The following PHRF1 variants were observed in gnomAD, a reference collection of about 807,000 sequenced individuals.
The protein encoded by PHRF1 is PHD and RING finger domain-containing protein 1.
In PHRF1, 53 loss-of-function variants were observed where a neutral mutation model predicts 128.9. That is an observed-to-expected ratio of 0.41 (90% confidence interval 0.33 to 0.52). The LOEUF (loss-of-function observed/expected upper bound fraction) is 0.52, where lower values mean the gene tolerates loss of function less well. Ranked by LOEUF, PHRF1 falls within the 20% of genes least tolerant of loss-of-function variation. PHRF1 has a pLI of 0.21. For synonymous variants in PHRF1, 1,178 were observed against 980.6 expected, an observed-to-expected ratio of 1.20 and a Z score of -3.76; for missense variants, 2,503 against 2,284.5, an observed-to-expected ratio of 1.10 and a Z score of -1.95.
At chr11:611,232 T>C (rs1856375524) in intron 17 of PHRF1, 150 bp downstream of exon 17, 2 of 1,320,444 alleles carry the variant, frequency 1.5e-6, no homozygotes, top group Non-Finnish European at 2.1e-6. Flanking sequence ...TGCCACATCC[T>C]GTAGGCCTGG....
At position 607,936 on chromosome 11, in the gene PHRF1, G is replaced by T. The variant is rs776096001; in HGVS notation, c.2480G>T (p.Ser827Ile). The change falls in exon 14 of 18, where the codon AGC becomes ATC. Residue 827 changes from serine to isoleucine, a missense_variant. Physicochemically the swap from Ser to Ile is moderately radical, Grantham distance 142. Coordinates refer to ENST00000264555, the MANE Select transcript of PHRF1 (RefSeq NM_001286581.2). ...FSIKKTKQLRSEVYDPSDPTG... is the reference protein window; with the variant it reads ...FSIKKTKQLRIEVYDPSDPTG... ...ATCAAGAAGACGAAGCAGCTGCGGAGCGAGGTCTACGACCCATCCGACCCC... is the reference window on the plus strand; with the variant it reads ...ATCAAGAAGACGAAGCAGCTGCGGATCGAGGTCTACGACCCATCCGACCCC... 6.8e-6 allele frequency: 11 copies of T among 1,612,318 alleles called. No homozygotes were observed. The highest frequency in any genetic ancestry group is 9.3e-6 in the Non-Finnish European group (11 of 1,179,868).
chr11:599,093 G>A (rs369715962), intron 9 of PHRF1, among the ~76,000 whole-genome samples: 68 of 152,268 alleles, frequency 4.5e-4, no homozygotes, highest in Admixed American at 2.8e-3. Flanking sequence ...GCTGGTGCGC[G>A]TGCACATTTG....
At chr11:602,762 TTTTTTTTG>T (rs1855709020) in intron 10 of PHRF1, among the ~76,000 whole-genome samples, 1 of 142,010 alleles carries the variant, frequency 7.0e-6, no homozygotes, top group African/African-American at 3.0e-5. Flanking sequence ...TTTGTTTTTG[TTTTTTTTG>T]TTTTTTTTTT....
chr11:605,332 A>T, intron 11 of PHRF1, 32 bp downstream of exon 11: 1 of 1,603,572 alleles, frequency 6.2e-7, no homozygotes, highest in Non-Finnish European at 8.5e-7. Context: ...CTGCCTGGGC[A>T]CCCGCTCCTC....
chr11:591,064 A>G (rs964251272), intron 4 of PHRF1, among the ~76,000 whole-genome samples: 3 of 152,244 alleles, frequency 2.0e-5, no homozygotes, highest in Admixed American at 6.5e-5. Flanking sequence ...AAAAGTTAGC[A>G]GAAGACTTGA....
In PHRF1 at chr11:607,952, A is replaced by T. The variant is rs368400216; in HGVS notation, c.2496A>T (p.Pro832=). Residue 832 remains proline (P), a synonymous_variant, in exon 14 of 18, where the codon CCA becomes CCT. Transcript: ENST00000264555. ...TKQLRSEVYD[P]SDPTGSDSSA... ...AGCTGCGGAGCGAGGTCTACGACCC[A>T]TCCGACCCCACCGGCTCCGACTCCA... 2.3e-5 allele frequency: 37 copies of T among 1,612,084 alleles called. No individual in the cohort carries two copies. The highest frequency in any genetic ancestry group is 3.0e-5 in the Non-Finnish European group (35 of 1,179,874).
At position 596,996 on chromosome 11, in the gene PHRF1, G is replaced by C. The variant is rs201614026; in HGVS notation, c.694G>C (p.Ala232Pro). ...CGAGTGGTTCTGCCCGGAATGTGCT[G>C]CGCCTGGTGTTGTCCTTGCCGCTGG... The part of the protein sequence containing the change: ...VDEWFCPECA[A>P]PGVVLAADAG... Residue 232 changes from alanine to proline, a missense_variant, in exon 7 of 18, where the codon GCG becomes CCG. Ala to Pro is a conservative substitution (Grantham distance 27). Transcript: ENST00000264555. The C allele has an allele frequency of 1.5e-4, 248 of 1,613,866 alleles. 3 individuals carry two copies. The African/African-American group carries it at 3.2e-3, about 21-fold the overall frequency.
In PHRF1 at chr11:607,823, C is replaced by T. The variant is rs1225811973; in HGVS notation, c.2367C>T (p.Ser789=). 11 of 1,612,806 alleles carry T rather than the reference C, an allele frequency of 6.8e-6. No homozygotes were observed. Among genetic ancestry groups the T allele is most frequent in the Non-Finnish European group, 9.3e-6 (11 of 1,179,892 alleles). ...TTCCTGGAAACATGGCACATTCCAG[C>T]CAGCTCTCCAGCCCTGGCTTCTGTA... is the stretch of plus-strand genomic sequence containing the variant. ...INIPGNMAHS[S]QLSSPGFCNT... Residue 789 remains serine, a synonymous_variant, in exon 14 of 18, where the codon AGC becomes AGT. Transcript: ENST00000264555.
chr11:597,665 T>A lies in PHRF1; in HGVS notation c.894+95T>A. 6.9e-7 allele frequency: 1 copy of A among 1,446,658 alleles called. No homozygotes were observed. The highest frequency in any genetic ancestry group is 9.3e-7 in the Non-Finnish European group (1 of 1,076,008). 89.6% of individuals were successfully genotyped at this position (1,446,658 alleles called of 1,614,324 possible). A position where few individuals can be genotyped will look rare whatever the true frequency, so the allele number is the denominator to read the frequency against. On this transcript the variant is annotated intron_variant, in intron 8 of 17. Coordinates refer to ENST00000264555, the MANE Select transcript of PHRF1 (RefSeq NM_001286581.2). The surrounding 1 kb of genome is among the most constrained non-coding windows in gnomAD (Gnocchi z 6.5). ...GGTGGGAGGGGCGTCGTCGGCACTGTGGGGTCCGCCCGGCCCCGGTGGCTC... is the reference window on the plus strand; with the variant it reads ...GGTGGGAGGGGCGTCGTCGGCACTGAGGGGTCCGCCCGGCCCCGGTGGCTC...
chr11:598,541 C>T, intron 9 of PHRF1, 39 bp downstream of exon 9: 1 of 1,584,918 alleles, frequency 6.3e-7, no homozygotes, highest in Non-Finnish European at 8.6e-7. Context: ...CAGCCACAGG[C>T]TGGGACCCAC....
At chr11:599,393 G>C (rs1314663872) in intron 9 of PHRF1, among the ~76,000 whole-genome samples, 2 of 151,264 alleles carry the variant, frequency 1.3e-5, no homozygotes, top group Non-Finnish European at 2.9e-5. Context: ...TGGAATTACA[G>C]GCACCCGCCA....
In PHRF1 at chr11:587,221, C is replaced by G. The variant is rs1011182223; in HGVS notation, c.215-38C>G. 1.9e-6 allele frequency: 3 copies of G among 1,600,868 alleles called. No homozygotes were observed. In the East Asian group the frequency reaches 6.7e-5, roughly 36 times the overall value. ...CCTCCAGTGCCGCGGTTCACGCTGC[C>G]CATCCTGCTTGCACCAGCTGGCATG... On this transcript the variant is annotated intron_variant, in intron 3 of 17. Coordinates refer to ENST00000264555, the MANE Select transcript of PHRF1 (RefSeq NM_001286581.2).
chr11:595,493 C>T (rs1452000394), intron 6 of PHRF1, among the ~76,000 whole-genome samples: 1 of 152,214 alleles, frequency 6.6e-6, no homozygotes, highest in Non-Finnish European at 1.5e-5. Flanking sequence ...CAGATCTGAG[C>T]ACCTTCAGCT....
At chr11:592,445 C>T in intron 5 of PHRF1, 114 bp from the exon 6 acceptor site, 1 of 1,037,410 alleles carries the variant, frequency 9.6e-7, no homozygotes, top group Non-Finnish European at 1.5e-6. Context: ...GCCTGTGGAG[C>T]CCAAATATGA....
At chr11:582,200 C>A in intron 3 of PHRF1, 119 bp downstream of exon 3, 4 of 1,463,934 alleles carry the variant, frequency 2.7e-6, no homozygotes, top group Non-Finnish European at 3.7e-6. Flanking sequence ...TCCCTGCGGT[C>A]ACCTACGGTG....
At chr11:581,906 C>T (rs1002449839) in intron 2 of PHRF1, 56 bp from the exon 3 acceptor site, 5 of 1,508,896 alleles carry the variant, frequency 3.3e-6, no homozygotes, top group African/African-American at 1.4e-5. Flanking sequence ...GCAACCTGCT[C>T]TCTGCTGCAT....
intron 10 of PHRF1, among the ~76,000 whole-genome samples, chr11:604,049 A>T (rs1381143471): frequency 6.6e-6 from 1 of 152,186 alleles, no homozygotes; most frequent in East Asian, 1.9e-4. Flanking sequence ...CGATCTGTTT[A>T]TTCATTCAGA....
At chr11:605,477 G>T in intron 11 of PHRF1, 128 bp from the exon 12 acceptor site, 1 of 1,496,694 alleles carries the variant, frequency 6.7e-7, no homozygotes, top group South Asian at 1.3e-5. Context: ...GGTCTGGTTC[G>T]GGGCCCGAAT....
rs1294787335 is a variant in PHRF1 at position 581,949 on chromosome 11, C to T, written c.95-13C>T. The T allele has an allele frequency of 1.9e-6, 3 of 1,582,800 alleles. No individual in the cohort carries two copies. Among genetic ancestry groups the T allele is most frequent in the Non-Finnish European group, 2.6e-6 (3 of 1,165,592 alleles). On this transcript the variant is annotated splice_polypyrimidine_tract_variant and intron_variant, in intron 2 of 17. Coordinates refer to ENST00000264555, the MANE Select transcript of PHRF1 (RefSeq NM_001286581.2). Reference sequence around the variant, plus strand: ...ACGCCGCCCTGCGGCCTGTGTCTCACCCTGGTGTCTAGAAGAAAGCAGCGT... The same window carrying T: ...ACGCCGCCCTGCGGCCTGTGTCTCATCCTGGTGTCTAGAAGAAAGCAGCGT...
Sources: gnomAD v4.1 joint callset for allele counts (sites outside exome capture counted in the v4.1 genomes callset) on GRCh38, gnomAD v4.1.1 for gene constraint, Gnocchi (gnomAD v3.1) non-coding constraint, MANE v1.5 for transcripts, NCBI Gene and HGNC (gene_info 2026-07-23, HGNC 2026-07-21) for gene names.